Variants in TACC2 observed in about 807,000 individuals in gnomAD.
TACC2 encodes transforming acidic coiled-coil containing protein 2, also known as transforming acidic coiled-coil-containing protein 2.
Under a neutral mutation model 227.3 loss-of-function variants are expected in TACC2, and 137 were observed. That is an observed-to-expected ratio of 0.60 (90% confidence interval 0.52 to 0.69). The LOEUF (loss-of-function observed/expected upper bound fraction) is 0.69, where lower values mean the gene tolerates loss of function less well. Among genes scored for constraint, TACC2 ranks in the 30% least tolerant of loss-of-function variants. The pLI, the probability that TACC2 is intolerant of heterozygous loss-of-function variation, is 0.00. For missense variants in TACC2, 3,470 were observed against 3,694.4 expected (o/e 0.94, Z 1.57); for synonymous variants, 1,523 against 1,487.5 (o/e 1.02, Z -0.55).
chr10:122,110,595 C>T (rs2083470430), intron 5 of TACC2, among the ~76,000 whole-genome samples: 1 of 152,210 alleles, frequency 6.6e-6, no homozygotes, highest in South Asian at 2.1e-4. Context: ...TGCCTGAGTT[C>T]AGTCATTCCT....
At chr10:122,090,413 G>A (rs558004406) in intron 5 of TACC2, among the ~76,000 whole-genome samples, 196 of 151,540 alleles carry the variant, frequency 1.3e-3, no homozygotes, top group Non-Finnish European at 2.2e-3. Context: ...TGGGTGTGGT[G>A]GCGGGCGCCT....
chr10:122,078,482 G>A (rs1000659863), intron 3 of TACC2, among the ~76,000 whole-genome samples: 1 of 152,130 alleles, frequency 6.6e-6, no homozygotes, highest in African/African-American at 2.4e-5. Flanking sequence ...GCCAGCCCCT[G>A]CCCATGCTTC....
intron 5 of TACC2, among the ~76,000 whole-genome samples, chr10:122,093,097 C>CT (rs59323311): frequency 1.1e-4 from 16 of 146,458 alleles, no homozygotes; most frequent in African/African-American, 3.3e-4. Context: ...TTGTCTCTCT[C>CT]TTTTTTTTTT....
chr10:122,164,036 G>C, intron 7 of TACC2: 1 of 1,553,632 alleles, frequency 6.4e-7, no homozygotes, highest in South Asian at 1.2e-5. Context: ...CGGGGAGGAG[G>C]AGAGGATGCC....
chr10:122,248,303 C>T (rs192251261), intron 19 of TACC2: 20 of 233,324 alleles, frequency 8.6e-5, no homozygotes, highest in Non-Finnish European at 1.5e-4. Context: ...TTTTACTTTA[C>T]GGATCTGTCT....
chr10:122,160,807 ATTGT>A lies in TACC2; in HGVS notation c.5834+17106_5834+17109del, dbSNP rs1324513835. ...TACTAGATCACCAGCTTTGTTTTAA[ATTGT>A]TTGTAAAGTCAGCATGGAAAGGTCT... On this transcript the variant is annotated intron_variant, in intron 7 of 22. Coordinates refer to ENST00000369005, the MANE Select transcript of TACC2 (RefSeq NM_206862.4). Among the ~76,000 whole-genome samples, 10 of 152,312 alleles carry A rather than the reference ATTGT, an allele frequency of 6.6e-5. No individual in the cohort carries two copies. The East Asian group carries it at 1.9e-3, about 29-fold the overall frequency.
chr10:122,234,394 T>C lies in TACC2; in HGVS notation c.8128-3001T>C, dbSNP rs1548270. Reference sequence around the variant, plus strand: ...GTCACAGCCATTTCACATTTCAATTTGTGATTCTAGTGGCTTTTTTTGGCC... The same window carrying C: ...GTCACAGCCATTTCACATTTCAATTCGTGATTCTAGTGGCTTTTTTTGGCC... On this transcript the variant is annotated intron_variant, in intron 16 of 22. Coordinates refer to ENST00000369005, the MANE Select transcript of TACC2 (RefSeq NM_206862.4). Among the ~76,000 whole-genome samples the C allele has an allele frequency of 0.011, 1,701 of 152,362 alleles. 112 individuals carry two copies. The East Asian group carries it at 0.2, about 18-fold the overall frequency.
chr10:122,177,552 C>T (rs1484605297), intron 7 of TACC2, among the ~76,000 whole-genome samples: 4 of 152,020 alleles, frequency 2.6e-5, no homozygotes, highest in African/African-American at 9.7e-5. Flanking sequence ...TGCATTCCAG[C>T]CTGGGTAACA....
At chr10:122,061,951 T>A (rs767374339) in intron 3 of TACC2, among the ~76,000 whole-genome samples, 1 of 150,606 alleles carries the variant, frequency 6.6e-6, no homozygotes, top group Non-Finnish European at 1.5e-5. Flanking sequence ...AGAACAGCTG[T>A]CCCTATCGTA....
At chr10:122,006,201 C>A (rs1046410151) in intron 1 of TACC2, among the ~76,000 whole-genome samples, 1 of 152,066 alleles carries the variant, frequency 6.6e-6, no homozygotes, top group East Asian at 1.9e-4. Context: ...ATAATCCCAG[C>A]ACTTTGGGAG....
intron 2 of TACC2, among the ~76,000 whole-genome samples, chr10:122,031,282 C>T (rs185969335): frequency 3.7e-4 from 56 of 152,086 alleles, no homozygotes; most frequent in Admixed American, 1.0e-3. Flanking sequence ...CACTGGATTG[C>T]GCTCTACTTT....
chr10:122,018,004 A>C (rs2461222), intron 1 of TACC2, among the ~76,000 whole-genome samples: 77,593 of 138,390 alleles, frequency 0.56, 21,787 homozygotes, highest in African/African-American at 0.67. Context: ...TTATTTATTT[A>C]TTTCTTCTAA....
intron 2 of TACC2, among the ~76,000 whole-genome samples, chr10:122,037,326 C>T (rs1483913953): frequency 6.6e-6 from 1 of 152,236 alleles, no homozygotes; most frequent in African/African-American, 2.4e-5. Flanking sequence ...TGGCTTTCTT[C>T]TACCTGTGGT....
intron 1 of TACC2, among the ~76,000 whole-genome samples, chr10:122,016,272 G>GA (rs1956612230): frequency 2.0e-5 from 1 of 48,940 alleles, no homozygotes; most frequent in Non-Finnish European, 3.9e-5. Context: ...AAAAAAAAAA[G>GA]GAAAAAAAAA....
intron 22 of TACC2, 97 bp from the exon 23 acceptor site, chr10:122,253,894 G>A: frequency 1.1e-6 from 1 of 942,878 alleles, no homozygotes; most frequent in African/African-American, 1.6e-5. Flanking sequence ...GGGGACCAAG[G>A]GGCCTGGTGG....
At chr10:122,008,261 A>ATTATTATTATTATT (rs779216364) in intron 1 of TACC2, among the ~76,000 whole-genome samples, 8 of 65,172 alleles carry the variant, frequency 1.2e-4, no homozygotes, top group African/African-American at 4.7e-4. Flanking sequence ...TATTATTATT[A>ATTATTATTATTATT]TTATTTTTTT....
chr10:122,081,100 T>C (rs1472808197), intron 3 of TACC2, among the ~76,000 whole-genome samples: 1 of 152,152 alleles, frequency 6.6e-6, no homozygotes, highest in African/African-American at 2.4e-5. Flanking sequence ...AACAATTGTG[T>C]AGGAAAAATC....
intron 5 of TACC2, among the ~76,000 whole-genome samples, chr10:122,101,132 G>A (rs536320397): frequency 2.6e-5 from 4 of 152,178 alleles, no homozygotes; most frequent in Non-Finnish European, 5.9e-5. Flanking sequence ...GGTGTTTTGA[G>A]CTGGACAGAT....
Position 122,180,432 on chromosome 10 carries a change from G to C in TACC2, c.5835-14608G>C, listed in dbSNP as rs900680189. On this transcript the variant is annotated intron_variant, in intron 7 of 22. Coordinates refer to ENST00000369005, the MANE Select transcript of TACC2 (RefSeq NM_206862.4). The surrounding 1 kb of genome is among the most constrained non-coding windows in gnomAD (Gnocchi z 4.5). Reference sequence around the variant, plus strand: ...AGCTCACTGCAAGCTCCGCTTCCCAGGTTCACGCCATTCTCCTGCCTCAGC... The same window carrying C: ...AGCTCACTGCAAGCTCCGCTTCCCACGTTCACGCCATTCTCCTGCCTCAGC... 2.6e-5 allele frequency among the ~76,000 whole-genome samples: 4 copies of C among 151,760 alleles called. No individual in the cohort carries two copies. The highest frequency in any genetic ancestry group is 4.4e-5 in the Non-Finnish European group (3 of 67,976).
Sources: gnomAD v4.1 joint callset for allele counts (sites outside exome capture counted in the v4.1 genomes callset) on GRCh38, gnomAD v4.1.1 for gene constraint, Gnocchi (gnomAD v3.1) non-coding constraint, MANE v1.5 for transcripts, NCBI Gene and HGNC (gene_info 2026-07-23, HGNC 2026-07-21) for gene names.